The following AFAP1L2 variants were observed in gnomAD, a reference collection of about 807,000 sequenced individuals.
AFAP1L2 encodes the protein actin filament associated protein 1 like 2.
A neutral mutation model predicts 99.3 loss-of-function variants in AFAP1L2; 46 were observed. The ratio of observed to expected loss-of-function variants is 0.46; its 90% confidence interval spans 0.37 to 0.59. The LOEUF (loss-of-function observed/expected upper bound fraction) is 0.59. AFAP1L2 is among the 20% of genes least tolerant of loss of function. The pLI is 0.00. For missense variants in AFAP1L2, 959 were observed against 1,034.9 expected, an observed-to-expected ratio of 0.93 and a Z score of 1.01; for synonymous variants, 397 against 419.1, an observed-to-expected ratio of 0.95 and a Z score of 0.64.
intron 1 of AFAP1L2, among the ~76,000 whole-genome samples, chr10:114,367,132 C>T (rs2053393306): frequency 6.6e-6 from 1 of 152,198 alleles, no homozygotes; most frequent in Non-Finnish European, 1.5e-5. Context: ...AAGGCTAACA[C>T]ATCGCTTACT....
intron 1 of AFAP1L2, among the ~76,000 whole-genome samples, chr10:114,372,631 CAT>C (rs1434029460): frequency 3.3e-5 from 5 of 151,130 alleles, no homozygotes; most frequent in Non-Finnish European, 5.9e-5. Flanking sequence ...TTTATATATA[CAT>C]ATATAATATA....
chr10:114,291,428 G>T (rs1309214860), downstream of AFAP1L2: 4 of 643,362 alleles, frequency 6.2e-6, no homozygotes, highest in African/African-American at 5.7e-5. Context: ...CAGCCATGCT[G>T]CTTAGAGACA....
intron 1 of AFAP1L2, among the ~76,000 whole-genome samples, chr10:114,378,009 C>G (rs1207119667): frequency 6.6e-6 from 1 of 152,172 alleles, no homozygotes; most frequent in Admixed American, 6.5e-5. Flanking sequence ...TAAAGCCTCC[C>G]AGGCAAGGAG....
In AFAP1L2 at chr10:114,404,437, C is replaced by T. The variant is rs1294591592; in HGVS notation, c.16+3G>A. On this transcript the variant is annotated splice_donor_region_variant and intron_variant, in intron 1 of 18. Transcript: ENST00000304129. ...GCGCCGCGCGAGGAACCCGCGCCCT[C>T]ACCTTTGTACCGCTCCATCGGGGCC... 1 of 1,542,792 alleles carries T rather than the reference C, an allele frequency of 6.5e-7. No homozygotes were observed. The highest frequency in any genetic ancestry group is 8.7e-7 in the Non-Finnish European group (1 of 1,146,098).
the AFAP1L2 span, chr10:114,282,701 C>T: frequency 1.4e-6 from 1 of 739,148 alleles, no homozygotes; most frequent in South Asian, 1.5e-5. Context: ...GGATGGGGCA[C>T]TTGGGGGGCA....
chr10:114,392,149 G>A (rs2057231414), intron 1 of AFAP1L2, among the ~76,000 whole-genome samples: 2 of 152,168 alleles, frequency 1.3e-5, no homozygotes, highest in Admixed American at 1.3e-4. Context: ...ACTTTGGGAG[G>A]CTGAGGCAGG....
intron 4 of AFAP1L2, among the ~76,000 whole-genome samples, chr10:114,327,197 C>G (rs2135438238): frequency 1.1e-5 from 1 of 92,400 alleles, no homozygotes; most frequent in Non-Finnish European, 2.7e-5. Flanking sequence ...CAGAGTCTCA[C>G]TGTGTTGCCC....
chr10:114,394,452 TG>T (rs1380731702), intron 1 of AFAP1L2, among the ~76,000 whole-genome samples: 1 of 45,520 alleles, frequency 2.2e-5, no homozygotes, highest in Non-Finnish European at 4.6e-5. Flanking sequence ...AGGAGAGAGT[TG>T]GGAGGGTCTG....
chr10:114,378,136 G>T (rs1452385248), intron 1 of AFAP1L2, among the ~76,000 whole-genome samples: 1 of 152,216 alleles, frequency 6.6e-6, no homozygotes, highest in Non-Finnish European at 1.5e-5. Context: ...AGAACCTGAA[G>T]AAGGATTCTT....
chr10:114,310,686 T>C (rs1051156121), intron 7 of AFAP1L2, among the ~76,000 whole-genome samples: 1 of 152,160 alleles, frequency 6.6e-6, no homozygotes, highest in Non-Finnish European at 1.5e-5. Flanking sequence ...GTCCCACACG[T>C]TCATGGGCAT....
intron 18 of AFAP1L2, 71 bp from the exon 19 acceptor site, chr10:114,296,139 T>TTGA: frequency 6.3e-7 from 1 of 1,593,598 alleles, no homozygotes; most frequent in East Asian, 2.2e-5. Flanking sequence ...TGTAGCAACC[T>TTGA]TGATATACAT....
chr10:114,293,569 ACTAGC>A (rs760572441), downstream of AFAP1L2, among the ~76,000 whole-genome samples: 5 of 152,236 alleles, frequency 3.3e-5, no homozygotes, highest in African/African-American at 7.2e-5. Context: ...CTATGGCCTA[ACTAGC>A]CAAGCCTTTT....
chr10:114,323,267 G>A lies in AFAP1L2; in HGVS notation c.316-6C>T, dbSNP rs748492201. On this transcript the variant is annotated splice_region_variant and splice_polypyrimidine_tract_variant and intron_variant, in intron 4 of 18. Transcript: ENST00000304129. ...AGCTGTTTCCGTTCTGGAATCTGTG[G>A]TATGAACAAATAAGACAAACGTTTG... is the stretch of plus-strand genomic sequence containing the variant. 1 of 1,586,772 alleles carries A rather than the reference G, an allele frequency of 6.3e-7. No individual in the cohort carries two copies. The highest frequency in any genetic ancestry group is 1.8e-5 in the Admixed American group (1 of 56,616).
chr10:114,367,225 A>G (rs1428086699), intron 1 of AFAP1L2, among the ~76,000 whole-genome samples: 1 of 152,208 alleles, frequency 6.6e-6, no homozygotes, highest in African/African-American at 2.4e-5. Flanking sequence ...AAAGGCAAGA[A>G]GACAAATAGC....
At chr10:114,329,244 G>C (rs2046884593) in intron 4 of AFAP1L2, among the ~76,000 whole-genome samples, 1 of 152,196 alleles carries the variant, frequency 6.6e-6, no homozygotes, top group Admixed American at 6.5e-5. Context: ...CCCACACTCA[G>C]TGTCTGAGGC....
At chr10:114,330,297 G>A (rs542507515) in intron 4 of AFAP1L2, among the ~76,000 whole-genome samples, 58 of 152,276 alleles carry the variant, frequency 3.8e-4, no homozygotes, top group African/African-American at 1.3e-3. Context: ...TCAGGTGACG[G>A]TCAGTTGGCA....
Position 114,315,692 on chromosome 10 carries a change from A to G in AFAP1L2, c.480T>C (p.Pro160=), listed in dbSNP as rs1284673926. ...CGGCCTCCGGCGAGGGCCACTGGTA[A>G]GGGGCCGACTTGCCCTTGCTGCCGT... ...EEDGSKGKSA[P]YQWPSPEAGI... is the part of the protein sequence containing the mutation. The change falls in exon 6 of 19, where the codon CCT becomes CCC. Residue 160 remains proline, a synonymous_variant. Coordinates refer to ENST00000304129, the MANE Select transcript of AFAP1L2 (RefSeq NM_001001936.3). 1.2e-6 allele frequency: 2 copies of G among 1,613,794 alleles called. No individual in the cohort carries two copies. Among genetic ancestry groups the G allele is most frequent in the Non-Finnish European group, 1.7e-6 (2 of 1,179,984 alleles).
chr10:114,315,055 C>A (rs2043895839), intron 6 of AFAP1L2, among the ~76,000 whole-genome samples: 1 of 152,160 alleles, frequency 6.6e-6, no homozygotes, highest in Non-Finnish European at 1.5e-5. Context: ...GCAGGAGAAT[C>A]ACTTGAACCC....
intron 1 of AFAP1L2, among the ~76,000 whole-genome samples, chr10:114,366,373 G>GATCAATGGA (rs1462500088): frequency 1.3e-5 from 2 of 152,168 alleles, no homozygotes; most frequent in Non-Finnish European, 2.9e-5. Flanking sequence ...GGGCAGAGAT[G>GATCAATGGA]ATCAATGGAA....
Sources: allele counts gnomAD v4.1 joint callset (sites outside exome capture counted in the v4.1 genomes callset), GRCh38; gene constraint gnomAD v4.1.1; transcripts MANE v1.5; gene names NCBI Gene and HGNC (gene_info 2026-07-23, HGNC 2026-07-21).